WAC: variants seen among roughly 807,000 people sequenced by gnomAD.
WAC encodes the protein WW domain-containing adapter protein with coiled-coil.
In WAC, 11 loss-of-function variants were observed where a neutral mutation model predicts 79.6. That is an observed-to-expected ratio of 0.14 (90% CI 0.09 to 0.23). WAC has a LOEUF of 0.23. Among genes scored for constraint, WAC ranks in the 10% least tolerant of loss-of-function variants. The pLI is 1.00. For missense variants in WAC, 728 were observed against 773.5 expected, an observed-to-expected ratio of 0.94 and a Z score of 0.70; for synonymous variants, 304 against 276.9, an observed-to-expected ratio of 1.10 and a Z score of -0.97.
chr10:28,619,255 G>T (rs1325938169), intron 13 of WAC, among the ~76,000 whole-genome samples: 2 of 152,148 alleles, frequency 1.3e-5, no homozygotes, highest in Non-Finnish European at 2.9e-5. Context: ...CCTCTAGCCT[G>T]GGCAACAGAG....
chr10:28,534,893 C>CGT (rs1836546676), intron 2 of WAC, among the ~76,000 whole-genome samples: 2 of 152,216 alleles, frequency 1.3e-5, no homozygotes, highest in African/African-American at 4.8e-5. Flanking sequence ...TAGCTGATTA[C>CGT]ACATTGCAAC....
chr10:28,573,089 ATC>A lies in WAC; in HGVS notation c.275-10306_275-10305del, dbSNP rs1461568865. 5.4e-5 allele frequency among the ~76,000 whole-genome samples: 8 copies of A among 147,784 alleles called. No individual in the cohort carries two copies. In the East Asian group the frequency reaches 1.2e-3, roughly 23 times the overall value. On this transcript the variant is annotated intron_variant, in intron 3 of 13. Coordinates refer to ENST00000354911, the MANE Select transcript of WAC (RefSeq NM_016628.5). ...GGCTCTTAACATGGTTAGACCAGCC[ATC>A]TCTTTTAAAAAATATTTTACATGGC... is the stretch of plus-strand genomic sequence containing the variant.
chr10:28,540,120 A>G (rs1836928993), intron 3 of WAC, among the ~76,000 whole-genome samples: 1 of 152,222 alleles, frequency 6.6e-6, no homozygotes, highest in Non-Finnish European at 1.5e-5. Flanking sequence ...GTAATGTTAC[A>G]AATTACTAAC....
At chr10:28,610,338 A>G (rs1056717654) in intron 8 of WAC, among the ~76,000 whole-genome samples, 6 of 152,146 alleles carry the variant, frequency 3.9e-5, no homozygotes, top group Non-Finnish European at 7.3e-5. Context: ...TTGTTTATCC[A>G]GTTAATTCCA....
At chr10:28,541,415 G>GTGTTTTTTTTTTTTTTTT (rs1212601285) in intron 3 of WAC, among the ~76,000 whole-genome samples, 1 of 37,904 alleles carries the variant, frequency 2.6e-5, no homozygotes. Flanking sequence ...GTGTGTGTGT[G>GTGTTTTTTTTTTTTTTTT]TTTTGTTTTT....
chr10:28,563,824 T>C (rs1041704255), intron 3 of WAC, among the ~76,000 whole-genome samples: 3 of 147,702 alleles, frequency 2.0e-5, no homozygotes, highest in African/African-American at 5.0e-5. Flanking sequence ...ATGGTCGTGA[T>C]CTCCTGACCT....
chr10:28,533,702 G>A, intron 1 of WAC, 82 bp downstream of exon 1: 1 of 1,470,492 alleles, frequency 6.8e-7, no homozygotes, highest in Non-Finnish European at 9.2e-7. Flanking sequence ...GGAGCTGGCC[G>A]GGCCGCCATT....
At chr10:28,551,819 T>TGTGTGTGTGTG (rs1397401638) in intron 3 of WAC, among the ~76,000 whole-genome samples, 16 of 144,604 alleles carry the variant, frequency 1.1e-4, no homozygotes, top group Admixed American at 2.1e-4. Flanking sequence ...TGTGTGTGTG[T>TGTGTGTGTGTG]TTCTTTTTTT....
At chr10:28,568,643 A>T (rs1838781003) in intron 3 of WAC, among the ~76,000 whole-genome samples, 1 of 152,052 alleles carries the variant, frequency 6.6e-6, no homozygotes, top group Admixed American at 6.6e-5. Context: ...TGCTGCACCC[A>T]TTAACTTGTC....
intron 3 of WAC, among the ~76,000 whole-genome samples, chr10:28,565,208 C>T (rs1244059539): frequency 1.3e-5 from 2 of 152,142 alleles, no homozygotes; most frequent in Admixed American, 1.3e-4. Context: ...TAACCATACG[C>T]CATTGAAGGA....
chr10:28,570,473 C>T (rs1838885998), intron 3 of WAC, among the ~76,000 whole-genome samples: 2 of 152,146 alleles, frequency 1.3e-5, no homozygotes, highest in South Asian at 4.1e-4. Flanking sequence ...TGTATGGAGC[C>T]CAGAGGGTCT....
Position 28,600,349 on chromosome 10 carries a change from A to G in WAC, c.919+4308A>G, listed in dbSNP as rs1238615208. The stretch of plus-strand genomic sequence containing the variant: ...TTATGCTATCTGTAGACTAAATGAC[A>G]ATTGAATGAACTCAAAAACTTCAGT... On this transcript the variant is annotated intron_variant, in intron 7 of 13. Transcript: ENST00000354911. Among the ~76,000 whole-genome samples the G allele has an allele frequency of 3.3e-5, 5 of 152,122 alleles. No individual in the cohort carries two copies. In the East Asian group the frequency reaches 9.6e-4, roughly 29 times the overall value.
At chr10:28,589,703 A>T (rs1165088809) in intron 4 of WAC, 33 bp from the exon 5 acceptor site, 2 of 1,412,562 alleles carry the variant, frequency 1.4e-6, no homozygotes, top group South Asian at 1.2e-5. Context: ...AATAGTATTA[A>T]CATTTTCTAA....
intron 10 of WAC, among the ~76,000 whole-genome samples, chr10:28,614,155 G>T (rs1235640015): frequency 1.3e-5 from 2 of 152,116 alleles, no homozygotes; most frequent in African/African-American, 2.4e-5. Context: ...GCCCAGGCGG[G>T]AGTGCTGTGG....
chr10:28,570,946 CTTTTTTTT>C (rs139500035), intron 3 of WAC, among the ~76,000 whole-genome samples: 140 of 64,544 alleles, frequency 2.2e-3, no homozygotes, highest in East Asian at 0.011. Flanking sequence ...TAAAGATATA[CTTTTTTTT>C]TTTTTTTTTT....
At chr10:28,534,711 T>C (rs1836526896) in intron 2 of WAC, among the ~76,000 whole-genome samples, 1 of 152,242 alleles carries the variant, frequency 6.6e-6, no homozygotes, top group Non-Finnish European at 1.5e-5. Flanking sequence ...TCATAATGAT[T>C]GTTAACCATC....
At position 28,533,989 on chromosome 10, in the gene WAC, GT is replaced by G; in HGVS notation, c.42-4del. The G allele has an allele frequency of 6.2e-7, 1 of 1,605,912 alleles. No individual in the cohort carries two copies. Among genetic ancestry groups the G allele is most frequent in the Non-Finnish European group, 8.5e-7 (1 of 1,176,366 alleles). On this transcript the variant is annotated splice_region_variant and splice_polypyrimidine_tract_variant and intron_variant, in intron 1 of 13. Coordinates refer to ENST00000354911, the MANE Select transcript of WAC (RefSeq NM_016628.5). ...TCTTATGTCGCTGCCTTCTCTTCCTGTTTTTCAGCTGTCACGACCGGAGGGG... is the reference window on the plus strand; with the variant it reads ...TCTTATGTCGCTGCCTTCTCTTCCTGTTTTCAGCTGTCACGACCGGAGGGG...
intron 2 of WAC, chr10:28,534,481 T>A (rs1705095120): frequency 6.3e-6 from 1 of 158,470 alleles, no homozygotes; most frequent in Non-Finnish European, 1.4e-5. Flanking sequence ...TATAAAGTAC[T>A]ACCCTTTCCC....
chr10:28,589,091 T>G (rs1564403858), intron 4 of WAC: 1 of 152,224 alleles, frequency 6.6e-6, no homozygotes, highest in Non-Finnish European at 1.5e-5. Flanking sequence ...TGGAAGAGAC[T>G]GTACCTGAGA....
Sources: gnomAD v4.1 joint callset for allele counts (sites outside exome capture counted in the v4.1 genomes callset) on GRCh38, gnomAD v4.1.1 for gene constraint, MANE v1.5 for transcripts, NCBI Gene and HGNC (gene_info 2026-07-23, HGNC 2026-07-21) for gene names.